Variants in DOCK7 observed in about 807,000 individuals in gnomAD.
DOCK7 encodes dedicator of cytokinesis protein 7.
DOCK7 carries 138 observed loss-of-function variants against 271.0 expected under a neutral mutation model. That is an observed-to-expected ratio of 0.51 (90% CI 0.44 to 0.59). The LOEUF (loss-of-function observed/expected upper bound fraction) is 0.59. DOCK7 is among the 20% of genes least tolerant of loss of function. The pLI is 0.00. For synonymous variants in DOCK7, 823 were observed against 876.1 expected (o/e 0.94, Z 1.07); for missense variants, 2,066 against 2,592.4 (o/e 0.80, Z 4.41).
chr1:62,535,063 C>T (rs1016417049), intron 29 of DOCK7, among the ~76,000 whole-genome samples: 5 of 149,418 alleles, frequency 3.3e-5, no homozygotes, highest in South Asian at 2.1e-4. Flanking sequence ...CACTCCAGCC[C>T]GGGTGACAGA....
At chr1:62,613,455 T>G (rs1035078847) in intron 14 of DOCK7, among the ~76,000 whole-genome samples, 3 of 152,150 alleles carry the variant, frequency 2.0e-5, no homozygotes, top group Non-Finnish European at 4.4e-5. Context: ...AGTTTGTTAT[T>G]TAAAGGTGAA....
At chr1:62,512,966 T>C (rs1005317140) in intron 33 of DOCK7, among the ~76,000 whole-genome samples, 1 of 151,526 alleles carries the variant, frequency 6.6e-6, no homozygotes, top group Non-Finnish European at 1.5e-5. Flanking sequence ...TAATGTAAAC[T>C]GCGGACTCTG....
intron 4 of DOCK7, among the ~76,000 whole-genome samples, chr1:62,651,795 T>C (rs914687650): frequency 6.6e-6 from 1 of 152,204 alleles, no homozygotes; most frequent in Non-Finnish European, 1.5e-5. Flanking sequence ...TTCTTTTATT[T>C]GTAGTTGGAT....
intron 49 of DOCK7, among the ~76,000 whole-genome samples, chr1:62,456,677 C>T (rs1645357593): frequency 6.6e-6 from 1 of 152,050 alleles, no homozygotes; most frequent in East Asian, 1.9e-4. Flanking sequence ...AGAATACAGC[C>T]TTTCCATGGA....
chr1:62,498,478 A>C (rs1182485754), intron 37 of DOCK7, among the ~76,000 whole-genome samples: 3 of 152,160 alleles, frequency 2.0e-5, no homozygotes, highest in Non-Finnish European at 4.4e-5. Flanking sequence ...TATATTAACA[A>C]CACCAAGTAC....
intron 18 of DOCK7, among the ~76,000 whole-genome samples, chr1:62,568,270 T>C (rs10889344): frequency 0.58 from 87,928 of 151,820 alleles, 27,268 homozygotes; most frequent in East Asian, 0.76. Context: ...GGGAAATTTA[T>C]AGCACTAAAA....
chr1:62,486,726 C>T (rs1379102036), intron 43 of DOCK7: 3 of 152,044 alleles, frequency 2.0e-5, no homozygotes, highest in Admixed American at 2.0e-4. Flanking sequence ...TTCTTTATCC[C>T]TTTCCCCAAC....
intron 12 of DOCK7, among the ~76,000 whole-genome samples, chr1:62,622,429 CT>C (rs1181629129): frequency 6.6e-6 from 1 of 151,866 alleles, no homozygotes; most frequent in Non-Finnish European, 1.5e-5. Context: ...CTATGTATTT[CT>C]AATAATTTTG....
rs543078908 is a variant in DOCK7, at chr1:62,537,842, C to A, written c.3471+49G>T. ...ATTTTTTCCATTGTTTAAAACTATT[C>A]TTCACAAAAGTGACTTTAAATATAT... On this transcript the variant is annotated intron_variant, in intron 28 of 49. Transcript: ENST00000635253. 1.0e-5 allele frequency: 16 copies of A among 1,531,620 alleles called. No individual in the cohort carries two copies. In the Admixed American group the frequency reaches 2.8e-4, roughly 27 times the overall value. 94.9% of individuals were successfully genotyped at this position (1,531,620 alleles called of 1,614,324 possible). A position where few individuals can be genotyped will look rare whatever the true frequency, so the allele number is the denominator to read the frequency against.
intron 14 of DOCK7, among the ~76,000 whole-genome samples, 157 bp from the exon 15 acceptor site, chr1:62,586,781 T>C (rs962143770): frequency 2.0e-5 from 3 of 152,312 alleles, no homozygotes; most frequent in East Asian, 1.9e-4. Context: ...TATTTACTCC[T>C]GAGAGCAATC....
At chr1:62,571,696 T>C (rs1370352337) in intron 18 of DOCK7, among the ~76,000 whole-genome samples, 2 of 152,160 alleles carry the variant, frequency 1.3e-5, no homozygotes, top group African/African-American at 4.8e-5. Flanking sequence ...ATGTGGTACA[T>C]ATACACCGTG....
chr1:62,571,407 T>C lies in DOCK7; in HGVS notation c.2112+5855A>G, dbSNP rs762035111. 2.6e-4 allele frequency among the ~76,000 whole-genome samples: 39 copies of C among 152,208 alleles called. 1 individual carries two copies. The highest frequency in any genetic ancestry group is 7.3e-5 in the Non-Finnish European group (5 of 68,034). On this transcript the variant is annotated intron_variant, in intron 18 of 49. Transcript: ENST00000635253. ...TATTATAAAGTCAAGAAACAACAGA[T>C]GCTGGTGAAGCTGTAGAGAGATAGG...
At chr1:62,634,665 G>T in intron 9 of DOCK7, 108 bp downstream of exon 9, 1 of 1,196,686 alleles carries the variant, frequency 8.4e-7, no homozygotes. Flanking sequence ...ATATCAAGAT[G>T]AAAAAAATAT....
At chr1:62,553,858 C>G (rs937991250) in intron 21 of DOCK7, among the ~76,000 whole-genome samples, 2 of 146,328 alleles carry the variant, frequency 1.4e-5, no homozygotes, top group African/African-American at 4.9e-5. Context: ...TGCGCGCACA[C>G]ACACACACAC....
Position 62,454,730 on chromosome 1 carries a change from T to G in DOCK7, c.*684A>C, listed in dbSNP as rs1311800428. ...ATGAAGTTCTTACTACTATCATTGGTGTAATAAGATTTAATCAAGTTAAGG... is the reference window on the plus strand; with the variant it reads ...ATGAAGTTCTTACTACTATCATTGGGGTAATAAGATTTAATCAAGTTAAGG... On this transcript the variant is annotated 3_prime_UTR_variant, in exon 50 of 50. Transcript: ENST00000635253. The G allele has an allele frequency of 6.5e-6, 1 of 153,014 alleles. No homozygotes were observed. The highest frequency in any genetic ancestry group is 1.5e-5 in the Non-Finnish European group (1 of 68,508). 9.5% of individuals were successfully genotyped at this position (153,014 alleles called of 1,614,324 possible). A position where few individuals can be genotyped will look rare whatever the true frequency, so the allele number is the denominator to read the frequency against.
intron 14 of DOCK7, chr1:62,604,944 C>T (rs1032023798): frequency 3.9e-5 from 37 of 959,376 alleles, no homozygotes; most frequent in Non-Finnish European, 5.7e-5. Context: ...CTTAAAGTCA[C>T]TGTCTATTTA....
chr1:62,608,575 C>A (rs1651340308), intron 14 of DOCK7: 2 of 152,042 alleles, frequency 1.3e-5, no homozygotes, highest in Non-Finnish European at 1.5e-5. Flanking sequence ...CAGAATATGG[C>A]AAATCATAAT....
intron 14 of DOCK7, among the ~76,000 whole-genome samples, chr1:62,614,452 A>G (rs1321115405): frequency 6.6e-6 from 1 of 151,992 alleles, no homozygotes; most frequent in Non-Finnish European, 1.5e-5. Context: ...GGTCCCATGG[A>G]CATTGATGGT....
chr1:62,574,249 T>A (rs954302748), intron 18 of DOCK7, among the ~76,000 whole-genome samples: 1 of 152,094 alleles, frequency 6.6e-6, no homozygotes, highest in South Asian at 2.1e-4. Context: ...AAATAGAACA[T>A]CATTAAAGTT....
Sources: allele counts gnomAD v4.1 joint callset (sites outside exome capture counted in the v4.1 genomes callset), GRCh38; gene constraint gnomAD v4.1.1; transcripts MANE v1.5; gene names NCBI Gene and HGNC (gene_info 2026-07-23, HGNC 2026-07-21).